The following TMPRSS15 variants were observed in gnomAD, a reference collection of about 807,000 sequenced individuals.
The protein encoded by TMPRSS15 is enteropeptidase.
TMPRSS15 carries 128 observed loss-of-function variants against 125.3 expected under a neutral mutation model. The observed-to-expected ratio is 1.02, with a 90% CI of 0.89 to 1.18. The LOEUF (loss-of-function observed/expected upper bound fraction) is 1.18, where lower values mean the gene tolerates loss of function less well. Among genes scored for constraint, TMPRSS15 ranks in the 50% most tolerant of loss-of-function variants. TMPRSS15 has a pLI of 0.00. For synonymous variants in TMPRSS15, 446 were observed against 423.2 expected, an observed-to-expected ratio of 1.05 and a Z score of -0.66; for missense variants, 1,283 against 1,212.7, an observed-to-expected ratio of 1.06 and a Z score of -0.86.
At position 18,343,590 on chromosome 21, in the gene TMPRSS15, C is replaced by A. The variant is rs774871192; in HGVS notation, c.1344G>T (p.Glu448Asp). 6.2e-7 allele frequency: 1 copy of A among 1,612,828 alleles called. No individual in the cohort carries two copies. Among genetic ancestry groups the A allele is most frequent in the Non-Finnish European group, 8.5e-7 (1 of 1,178,916 alleles). ...SINISNDQNM[E>D]KTVFQKEGNY... ...TTCCTTCCTTTTGGAAAACTGTCTT[C>A]TCCATATTTTGGTCATTGCTGATAT... The change falls in exon 12 of 25, where the codon GAG (glutamate) becomes GAT (aspartate). Residue 448 changes from glutamate to aspartate, a missense_variant. Coordinates refer to ENST00000284885, the MANE Select transcript of TMPRSS15 (RefSeq NM_002772.3).
intron 1 of TMPRSS15, among the ~76,000 whole-genome samples, chr21:18,455,233 T>C (rs1291492237): frequency 6.6e-6 from 1 of 152,198 alleles, no homozygotes; most frequent in Non-Finnish European, 1.5e-5. Flanking sequence ...CTTTCCTTTA[T>C]AAACTACCCT....
At chr21:18,428,263 A>T (rs551967688) in intron 1 of TMPRSS15, among the ~76,000 whole-genome samples, 16 of 152,354 alleles carry the variant, frequency 1.1e-4, no homozygotes, top group Non-Finnish European at 1.9e-4. Flanking sequence ...TGGGTGCGTT[A>T]AAGGTATTCA....
chr21:18,457,469 C>G (rs546580563), intron 1 of TMPRSS15, among the ~76,000 whole-genome samples: 2 of 152,112 alleles, frequency 1.3e-5, no homozygotes, highest in Middle Eastern at 6.8e-3. Flanking sequence ...ATTAAAAACC[C>G]TAGATAGTAT....
chr21:18,465,003 A>T lies in TMPRSS15; in HGVS notation c.10+20796T>A, dbSNP rs2122911397. ...TATCCCTGATGAACATCGATGTGAA[A>T]ATCCTCAATAAAATACAGGCAAAAC... is the stretch of plus-strand genomic sequence containing the variant. On this transcript the variant is annotated intron_variant, in intron 1 of 7. Transcript: ENST00000422787. Among the ~76,000 whole-genome samples, 799 of 152,328 alleles carry T rather than the reference A, an allele frequency of 5.2e-3. 3 individuals are homozygous for T. The highest frequency in any genetic ancestry group is 8.6e-3 in the Non-Finnish European group (584 of 68,028).
At chr21:18,454,656 G>A (rs1241337825) in intron 1 of TMPRSS15, among the ~76,000 whole-genome samples, 2 of 152,026 alleles carry the variant, frequency 1.3e-5, no homozygotes, top group Admixed American at 6.5e-5. Flanking sequence ...TCTAAAGGCT[G>A]GAGGATCACA....
At chr21:18,452,970 C>A (rs927594602) in intron 1 of TMPRSS15, among the ~76,000 whole-genome samples, 2 of 152,020 alleles carry the variant, frequency 1.3e-5, no homozygotes, top group Non-Finnish European at 1.5e-5. Flanking sequence ...TAAGATCTAC[C>A]ATCTTAACAA....
chr21:18,407,451 T>TC (rs926290527), upstream of TMPRSS15, among the ~76,000 whole-genome samples: 3 of 72,408 alleles, frequency 4.1e-5, no homozygotes, highest in African/African-American at 1.4e-4. Context: ...TTCTTTTCTT[T>TC]TTTTTTTTTT....
At chr21:18,303,330 A>G (rs767073410) in intron 18 of TMPRSS15, among the ~76,000 whole-genome samples, 15 of 152,126 alleles carry the variant, frequency 9.9e-5, no homozygotes, top group Non-Finnish European at 1.9e-4. Flanking sequence ...AAAAAGAAAG[A>G]ATAGAAGCAT....
chr21:18,290,453 C>A (rs2074820078), intron 21 of TMPRSS15, among the ~76,000 whole-genome samples: 1 of 150,020 alleles, frequency 6.7e-6, no homozygotes, highest in South Asian at 2.1e-4. Flanking sequence ...AAAAGAAGTT[C>A]TCAAAGAGTA....
intron 18 of TMPRSS15, 35 bp downstream of exon 18, chr21:18,312,910 A>G: frequency 6.2e-7 from 1 of 1,611,566 alleles, no homozygotes; most frequent in Non-Finnish European, 8.5e-7. Context: ...AAGGTTTGCA[A>G]ATCTCTTAAA....
At chr21:18,275,674 C>G (rs1229670888) in intron 23 of TMPRSS15, among the ~76,000 whole-genome samples, 7 of 152,198 alleles carry the variant, frequency 4.6e-5, no homozygotes. Flanking sequence ...GTGTTTCATT[C>G]ATGGAAATTA....
chr21:18,375,775 T>A (rs190889738), intron 5 of TMPRSS15, among the ~76,000 whole-genome samples: 2 of 152,334 alleles, frequency 1.3e-5, no homozygotes, highest in East Asian at 1.9e-4. Flanking sequence ...CACTCAAAGA[T>A]GATTATTTCA....
intron 1 of TMPRSS15, among the ~76,000 whole-genome samples, chr21:18,479,811 A>G (rs879817441): frequency 6.6e-6 from 1 of 152,120 alleles, no homozygotes; most frequent in Admixed American, 6.6e-5. Flanking sequence ...TAGTTCAGCC[A>G]TTGTGGAAGA....
chr21:18,317,904 CATCCT>C (rs1214598435), intron 16 of TMPRSS15, among the ~76,000 whole-genome samples: 42 of 135,828 alleles, frequency 3.1e-4, no homozygotes, highest in African/African-American at 9.4e-4. Flanking sequence ...CATCCCATCC[CATCCT>C]ATCCCAACCC....
At position 18,442,894 on chromosome 21, in the gene TMPRSS15, G is replaced by C. The variant is rs937601702; in HGVS notation, c.10+42905C>G. Among the ~76,000 whole-genome samples, 3 of 152,300 alleles carry C rather than the reference G, an allele frequency of 2.0e-5. No homozygotes were observed. In the East Asian group the frequency reaches 5.8e-4, roughly 29 times the overall value. On this transcript the variant is annotated intron_variant, in intron 1 of 7. Coordinates refer to the TMPRSS15 transcript ENST00000422787. The stretch of plus-strand genomic sequence containing the variant: ...AATTCTATTTCGCCTGAAAAAATCA[G>C]TTCGGGGTACCATACATAGAGTTAA...
chr21:18,335,552 A>G (rs2075383608), intron 13 of TMPRSS15, among the ~76,000 whole-genome samples: 1 of 152,202 alleles, frequency 6.6e-6, no homozygotes, highest in Non-Finnish European at 1.5e-5. Flanking sequence ...GCCACTAAAC[A>G]CAAGTCTTGG....
chr21:18,447,439 C>CAAAAAAAAA (rs57558994), intron 1 of TMPRSS15, among the ~76,000 whole-genome samples: 8 of 88,088 alleles, frequency 9.1e-5, no homozygotes, highest in Non-Finnish European at 1.5e-4. Context: ...GACTTCAACT[C>CAAAAAAAAA]AAAAAAAAAA....
intron 1 of TMPRSS15, among the ~76,000 whole-genome samples, chr21:18,472,421 A>G (rs906751273): frequency 3.3e-5 from 5 of 150,758 alleles, no homozygotes; most frequent in African/African-American, 1.2e-4. Flanking sequence ...AATACAGGAT[A>G]CATAGTAAGG....
chr21:18,440,159 G>T (rs572944821), intron 1 of TMPRSS15, among the ~76,000 whole-genome samples: 17 of 151,926 alleles, frequency 1.1e-4, no homozygotes, highest in Admixed American at 7.9e-4. Flanking sequence ...CGGATCACGA[G>T]GTCAGGAGAT....
Sources: gnomAD v4.1 joint callset for allele counts (sites outside exome capture counted in the v4.1 genomes callset) on GRCh38, gnomAD v4.1.1 for gene constraint, MANE v1.5 for transcripts, NCBI Gene and HGNC (gene_info 2026-07-23, HGNC 2026-07-21) for gene names.